TENM2: variants seen among roughly 807,000 people sequenced by gnomAD.
The protein encoded by TENM2 is teneurin transmembrane protein 2.
In TENM2, 52 loss-of-function variants were observed where a neutral mutation model predicts 245.2. That is an observed-to-expected ratio of 0.21 (90% CI 0.17 to 0.27). The LOEUF is 0.27. Among genes scored for constraint, TENM2 ranks in the 10% least tolerant of loss-of-function variants. TENM2 has a pLI of 1.00. For missense variants in TENM2, 3,046 were observed against 3,666.8 expected (o/e 0.83, Z 4.37); for synonymous variants, 1,363 against 1,438.9 (o/e 0.95, Z 1.19).
the TENM2 span, among the ~76,000 whole-genome samples, chr5:167,114,106 CA>C: frequency 0.043 from 6,498 of 152,192 alleles, 447 homozygotes; most frequent in African/African-American, 0.15. Context: ...AGTCAACCAC[CA>C]AAAAGAGCCA....
the TENM2 span, among the ~76,000 whole-genome samples, chr5:167,227,684 A>G: frequency 6.6e-6 from 1 of 152,098 alleles, no homozygotes; most frequent in Non-Finnish European, 1.5e-5. Context: ...ACTGTTTTAG[A>G]TTTCTCTTTG....
the TENM2 span, among the ~76,000 whole-genome samples, chr5:167,096,101 G>A: frequency 6.6e-6 from 1 of 151,982 alleles, no homozygotes; most frequent in African/African-American, 2.4e-5. Context: ...CCTTTGTTGT[G>A]TTTGTGTGTT....
At chr5:167,596,108 A>G (rs1776190456) in intron 2 of TENM2, among the ~76,000 whole-genome samples, 1 of 152,166 alleles carries the variant, frequency 6.6e-6, no homozygotes, top group African/African-American at 2.4e-5. Flanking sequence ...ATATGATGGC[A>G]AGTTCTATGT....
chr5:167,584,226 G>T (rs1315184148), intron 2 of TENM2, among the ~76,000 whole-genome samples: 1 of 152,228 alleles, frequency 6.6e-6, no homozygotes, highest in Non-Finnish European at 1.5e-5. Context: ...AGACAAAAGT[G>T]CACTCCATAG....
At chr5:167,371,185 A>G (rs10070112) in intron 1 of TENM2, among the ~76,000 whole-genome samples, 2,744 of 152,170 alleles carry the variant, frequency 0.018, 42 homozygotes, top group Middle Eastern at 0.051. Context: ...TTCTCAATAG[A>G]GTAAATCCCC....
chr5:168,137,826 T>A (rs1267241705), intron 12 of TENM2, among the ~76,000 whole-genome samples: 1 of 152,210 alleles, frequency 6.6e-6, no homozygotes, highest in East Asian at 1.9e-4. Flanking sequence ...ATGAACTGAT[T>A]TAACTTTTTG....
rs994176667 is a variant in TENM2 at position 167,526,047 on chromosome 5, T to A, written c.502+150574T>A. On this transcript the variant is annotated intron_variant, in intron 2 of 28. Transcript: ENST00000518659. ...ATTCAGAAATGGGTCTCCTTGTAAA[T>A]GGCCAACCCATTTAACAAAAGAAGA... 8.6e-5 allele frequency among the ~76,000 whole-genome samples: 13 copies of A among 151,966 alleles called. No individual in the cohort carries two copies. In the East Asian group the frequency reaches 2.5e-3, roughly 29 times the overall value.
intron 4 of TENM2, among the ~76,000 whole-genome samples, chr5:167,978,102 G>A (rs1237424189): frequency 1.3e-5 from 2 of 152,114 alleles, no homozygotes; most frequent in African/African-American, 4.8e-5. Flanking sequence ...AGCTTCCTGA[G>A]GTCCTTACCA....
intron 1 of TENM2, among the ~76,000 whole-genome samples, chr5:167,309,394 C>A (rs1057123154): frequency 1.3e-5 from 2 of 152,134 alleles, no homozygotes; most frequent in Non-Finnish European, 2.9e-5. Flanking sequence ...TTGAGAATAT[C>A]GTAAGTCGAA....
At chr5:167,118,994 A>T in the TENM2 span, among the ~76,000 whole-genome samples, 1 of 152,154 alleles carries the variant, frequency 6.6e-6, no homozygotes, top group Non-Finnish European at 1.5e-5. Flanking sequence ...TCAACCAGGG[A>T]TTGTTCCTGT....
chr5:167,665,471 A>G (rs1291274054), intron 2 of TENM2, among the ~76,000 whole-genome samples: 1 of 152,190 alleles, frequency 6.6e-6, no homozygotes, highest in Non-Finnish European at 1.5e-5. Flanking sequence ...ATACTGTGAA[A>G]GAATTTTAAA....
chr5:167,354,395 T>G (rs1732367827), intron 1 of TENM2, among the ~76,000 whole-genome samples: 1 of 152,192 alleles, frequency 6.6e-6, no homozygotes, highest in Admixed American at 6.5e-5. Context: ...TGGGAGAAAA[T>G]AAAATTTAGG....
chr5:167,802,045 C>T (rs1314630374), intron 2 of TENM2, among the ~76,000 whole-genome samples: 1 of 152,080 alleles, frequency 6.6e-6, no homozygotes, highest in Non-Finnish European at 1.5e-5. Flanking sequence ...GTAGATGGCA[C>T]CATATCAGGT....
intron 2 of TENM2, among the ~76,000 whole-genome samples, chr5:167,612,528 A>G (rs980821458): frequency 4.6e-5 from 7 of 152,142 alleles, no homozygotes; most frequent in Non-Finnish European, 1.0e-4. Context: ...CATATGATAT[A>G]TTCAATATAT....
intron 3 of TENM2, among the ~76,000 whole-genome samples, chr5:167,903,164 T>C (rs1004051591): frequency 1.3e-5 from 2 of 152,190 alleles, no homozygotes; most frequent in African/African-American, 4.8e-5. Flanking sequence ...GATGCCTTCA[T>C]GCAAGAAAAG....
intron 2 of TENM2, among the ~76,000 whole-genome samples, chr5:167,398,156 T>G (rs560687814): frequency 6.6e-6 from 1 of 152,240 alleles, no homozygotes; most frequent in Non-Finnish European, 1.5e-5. Flanking sequence ...AATATCATAA[T>G]TTTTGATATG....
the TENM2 span, among the ~76,000 whole-genome samples, chr5:167,162,624 C>T: frequency 7.1e-6 from 1 of 140,440 alleles, no homozygotes; most frequent in Non-Finnish European, 1.5e-5. Context: ...AAGACTGTAT[C>T]TAAAAAAAAA....
At position 167,702,540 on chromosome 5, in the gene TENM2, ATG is replaced by A. The variant is rs1554102837; in HGVS notation, c.503-173434_503-173433del. Reference sequence around the variant, plus strand: ...GGCTAATTTATATATGTATGTATGTATGTGTGTGTGTGTATATATATATATAT... The same window carrying A: ...GGCTAATTTATATATGTATGTATGTATGTGTGTGTGTATATATATATATAT... On this transcript the variant is annotated intron_variant, in intron 2 of 28. Coordinates refer to ENST00000518659, the Ensembl canonical transcript of TENM2. Among the ~76,000 whole-genome samples, 172 of 123,266 alleles carry A rather than the reference ATG, an allele frequency of 1.4e-3. 4 individuals carry two copies. Among genetic ancestry groups the A allele is most frequent in the Admixed American group, 7.5e-3 (98 of 13,088 alleles). The allele number at this position is 123,266 out of a possible 152,430, so 80.9% of individuals were successfully genotyped here. A position where few individuals can be genotyped will look rare whatever the true frequency, so the allele number is the denominator to read the frequency against.
At chr5:167,425,993 G>C (rs1763792473) in intron 2 of TENM2, among the ~76,000 whole-genome samples, 1 of 152,032 alleles carries the variant, frequency 6.6e-6, no homozygotes, top group African/African-American at 2.4e-5. Flanking sequence ...GTGAGTAAGG[G>C]TTTTTATGTA....
Sources: allele counts gnomAD v4.1 joint callset (sites outside exome capture counted in the v4.1 genomes callset), GRCh38; gene constraint gnomAD v4.1.1; transcripts MANE v1.5; gene names NCBI Gene and HGNC (gene_info 2026-07-23, HGNC 2026-07-21).